The following FRMD4A variants were observed in gnomAD, a reference collection of about 807,000 sequenced individuals.
FRMD4A encodes FERM domain containing 4A, also known as FERM domain-containing protein 4A.
FRMD4A carries 29 observed loss-of-function variants against 129.1 expected under a neutral mutation model. The observed-to-expected ratio is 0.22, with a 90% CI of 0.17 to 0.31. FRMD4A has a LOEUF of 0.31. FRMD4A is among the 10% of genes least tolerant of loss of function. The pLI is 1.00. For synonymous variants in FRMD4A, 634 were observed against 571.6 expected, an observed-to-expected ratio of 1.11 and a Z score of -1.56; for missense variants, 1,272 against 1,375.8, an observed-to-expected ratio of 0.92 and a Z score of 1.19.
chr10:14,025,294 G>A (rs1489345663), intron 2 of FRMD4A, among the ~76,000 whole-genome samples: 8 of 142,214 alleles, frequency 5.6e-5, no homozygotes, highest in Admixed American at 3.5e-4. Context: ...TGCTTCCAAA[G>A]TTTGCTTTTT....
chr10:14,207,390 T>C (rs1288299837), intron 2 of FRMD4A, among the ~76,000 whole-genome samples: 1 of 152,104 alleles, frequency 6.6e-6, no homozygotes, highest in East Asian at 1.9e-4. Context: ...TAATATATAA[T>C]TAAATAATTC....
At chr10:13,992,868 G>A (rs749247120) in intron 2 of FRMD4A, among the ~76,000 whole-genome samples, 3 of 140,834 alleles carry the variant, frequency 2.1e-5, no homozygotes, top group Non-Finnish European at 4.5e-5. Context: ...CAGGAGGATC[G>A]CTTGACCCCC....
At chr10:14,166,273 A>G (rs994353876) in intron 2 of FRMD4A, among the ~76,000 whole-genome samples, 1 of 151,328 alleles carries the variant, frequency 6.6e-6, no homozygotes, top group Non-Finnish European at 1.5e-5. Context: ...AATTCTTTAT[A>G]TATTATTATA....
chr10:13,922,388 TA>T (rs1270951326), intron 2 of FRMD4A, among the ~76,000 whole-genome samples: 1 of 152,158 alleles, frequency 6.6e-6, no homozygotes, highest in Non-Finnish European at 1.5e-5. Context: ...TGGCAAGTAT[TA>T]AATGATCTTA....
At chr10:14,112,531 T>C (rs1409029492) in intron 2 of FRMD4A, among the ~76,000 whole-genome samples, 2 of 152,240 alleles carry the variant, frequency 1.3e-5, no homozygotes, top group Non-Finnish European at 2.9e-5. Flanking sequence ...GATTAAACTT[T>C]CTTCCTTTTT....
intron 23 of FRMD4A, chr10:13,652,412 G>C (rs945664810): frequency 5.6e-6 from 1 of 178,156 alleles, no homozygotes. Flanking sequence ...GATCAGGTGA[G>C]ACTGGGCATG....
intron 2 of FRMD4A, among the ~76,000 whole-genome samples, chr10:14,151,632 C>G (rs779386440): frequency 2.7e-4 from 41 of 151,840 alleles, no homozygotes; most frequent in Non-Finnish European, 5.0e-4. Context: ...GGACATGTAC[C>G]CTCTAAATAA....
intron 5 of FRMD4A, among the ~76,000 whole-genome samples, chr10:13,792,287 G>T (rs973045473): frequency 6.6e-6 from 1 of 152,116 alleles, no homozygotes; most frequent in Admixed American, 6.5e-5. Flanking sequence ...GGCTGGGGTC[G>T]CCGCATTTGA....
chr10:13,930,085 A>G (rs1050491331), intron 2 of FRMD4A, among the ~76,000 whole-genome samples: 1 of 152,194 alleles, frequency 6.6e-6, no homozygotes, highest in African/African-American at 2.4e-5. Context: ...TAATTTCCAG[A>G]CAGGAGGGAT....
intron 2 of FRMD4A, among the ~76,000 whole-genome samples, chr10:13,991,477 G>C (rs1453006983): frequency 6.6e-6 from 1 of 152,174 alleles, no homozygotes; most frequent in East Asian, 1.9e-4. Context: ...ACTGCCTCTA[G>C]GGGCTGCACC....
At chr10:13,898,607 T>G (rs1470317035) in intron 2 of FRMD4A, among the ~76,000 whole-genome samples, 2 of 152,224 alleles carry the variant, frequency 1.3e-5, no homozygotes, top group Non-Finnish European at 2.9e-5. Context: ...CTCTAGGATT[T>G]GAGTCACAGC....
chr10:14,236,106 G>A (rs951204566), intron 2 of FRMD4A, among the ~76,000 whole-genome samples: 6 of 152,166 alleles, frequency 3.9e-5, no homozygotes, highest in Non-Finnish European at 8.8e-5. Flanking sequence ...TATTCTTGAC[G>A]ATTTTCTAAA....
intron 2 of FRMD4A, among the ~76,000 whole-genome samples, chr10:14,215,054 T>C (rs1206479934): frequency 2.0e-5 from 3 of 152,150 alleles, no homozygotes; most frequent in African/African-American, 7.2e-5. Context: ...ATAAAACATA[T>C]ACAGTTTTAA....
At position 13,992,879 on chromosome 10, in the gene FRMD4A, G is replaced by A. The variant is rs191454334; in HGVS notation, c.46-133967C>T. ...GAGGCAGGAGGATCGCTTGACCCCCGGTGGCAGAGGTTGCAGTGTGCCAAG... is the reference window on the plus strand; with the variant it reads ...GAGGCAGGAGGATCGCTTGACCCCCAGTGGCAGAGGTTGCAGTGTGCCAAG... On this transcript the variant is annotated intron_variant, in intron 2 of 24. Transcript: ENST00000357447. 2.1e-4 allele frequency among the ~76,000 whole-genome samples: 30 copies of A among 145,804 alleles called. No individual in the cohort carries two copies. The South Asian group carries it at 2.9e-3, about 14-fold the overall frequency.
intron 2 of FRMD4A, among the ~76,000 whole-genome samples, chr10:14,078,137 A>G (rs1835718285): frequency 1.3e-5 from 2 of 152,224 alleles, no homozygotes; most frequent in Admixed American, 1.3e-4. Context: ...TTGATGAATG[A>G]ATAATCGTAA....
intron 3 of FRMD4A, among the ~76,000 whole-genome samples, chr10:13,842,837 AT>A (rs1384410357): frequency 6.6e-6 from 1 of 152,242 alleles, no homozygotes; most frequent in African/African-American, 2.4e-5. Flanking sequence ...TCTAAAAAAA[AT>A]AAATAAAAAT....
intron 3 of FRMD4A, among the ~76,000 whole-genome samples, chr10:13,851,071 G>T (rs990043179): frequency 6.6e-6 from 1 of 152,074 alleles, no homozygotes; most frequent in Admixed American, 6.5e-5. Context: ...AAAATTAGCC[G>T]GGCATGATGG....
chr10:13,661,452 G>T (rs1311528312), intron 19 of FRMD4A, among the ~76,000 whole-genome samples: 1 of 152,186 alleles, frequency 6.6e-6, no homozygotes, highest in Non-Finnish European at 1.5e-5. Context: ...CTGGTGAGGA[G>T]GGGCAGGGGG....
chr10:14,256,607 C>T lies in FRMD4A; in HGVS notation c.45+73451G>A, dbSNP rs543160364. 1.6e-3 allele frequency among the ~76,000 whole-genome samples: 242 copies of T among 152,218 alleles called. 1 individual carries two copies. Among genetic ancestry groups the T allele is most frequent in the African/African-American group, 5.4e-3 (226 of 41,530 alleles). ...CATTGAATTGGCCCTAACATACATG[C>T]TTATAAAACCTTATTATATTGTAAA... On this transcript the variant is annotated intron_variant, in intron 2 of 24. Coordinates refer to ENST00000357447, the MANE Select transcript of FRMD4A (RefSeq NM_018027.5).
Sources: allele counts gnomAD v4.1 joint callset (sites outside exome capture counted in the v4.1 genomes callset), GRCh38; gene constraint gnomAD v4.1.1; transcripts MANE v1.5; gene names NCBI Gene and HGNC (gene_info 2026-07-23, HGNC 2026-07-21).